PHF20: variants seen among roughly 807,000 people sequenced by gnomAD.
The protein encoded by PHF20 is PHD finger protein 20, also known as glioma-expressed antigen 2.
Under a neutral mutation model 113.5 loss-of-function variants are expected in PHF20, and 23 were observed. The ratio of observed to expected loss-of-function variants is 0.20; its 90% CI spans 0.15 to 0.29. The LOEUF (loss-of-function observed/expected upper bound fraction) is 0.29, where lower values mean the gene tolerates loss of function less well. Ranked by LOEUF, PHF20 falls within the 10% of genes least tolerant of loss-of-function variation. PHF20 has a pLI of 1.00. For synonymous variants in PHF20, 434 were observed against 457.3 expected, an observed-to-expected ratio of 0.95 and a Z score of 0.65; for missense variants, 943 against 1,219.6, an observed-to-expected ratio of 0.77 and a Z score of 3.38.
intron 1 of PHF20, among the ~76,000 whole-genome samples, chr20:35,780,823 C>T (rs1028834104): frequency 3.4e-5 from 5 of 148,264 alleles, no homozygotes; most frequent in Admixed American, 2.7e-4. Flanking sequence ...GCTGGGATTA[C>T]AGACATGAGC....
At chr20:35,869,639 T>C (rs2054382717) in intron 7 of PHF20, 88 bp downstream of exon 7, 2 of 763,338 alleles carry the variant, frequency 2.6e-6, no homozygotes, top group Non-Finnish European at 4.7e-6. Flanking sequence ...CCATTCCCTA[T>C]AGGCTCTAAT....
chr20:35,832,980 G>C (rs1428833409), intron 2 of PHF20, among the ~76,000 whole-genome samples: 7 of 151,456 alleles, frequency 4.6e-5, no homozygotes, highest in African/African-American at 1.7e-4. Flanking sequence ...GAACCTGGGA[G>C]GTGGAGGCTG....
intron 1 of PHF20, among the ~76,000 whole-genome samples, chr20:35,785,673 CAT>C (rs2041394238): frequency 6.6e-6 from 1 of 151,942 alleles, no homozygotes. Context: ...TTTAAAACTC[CAT>C]AGGCATGAAA....
chr20:35,827,106 A>G (rs6058327), intron 2 of PHF20, among the ~76,000 whole-genome samples: 5 of 152,270 alleles, frequency 3.3e-5, no homozygotes, highest in African/African-American at 1.2e-4. Context: ...TGAGCCAGGA[A>G]TAGAGGCAAG....
intron 9 of PHF20, 126 bp downstream of exon 9, chr20:35,871,955 T>C: frequency 1.6e-6 from 1 of 612,538 alleles, no homozygotes; most frequent in Non-Finnish European, 2.7e-6. Flanking sequence ...CCCTTATCAT[T>C]TTAATGTTAT....
At chr20:35,925,078 ATTCAT>A (rs970745351) in intron 13 of PHF20, among the ~76,000 whole-genome samples, 3 of 151,728 alleles carry the variant, frequency 2.0e-5, no homozygotes, top group African/African-American at 7.3e-5. Flanking sequence ...TCTTTCAGCG[ATTCAT>A]CTGTCTGTAT....
chr20:35,831,361 T>A (rs2042355571), intron 2 of PHF20, among the ~76,000 whole-genome samples: 1 of 151,984 alleles, frequency 6.6e-6, no homozygotes, highest in African/African-American at 2.4e-5. Flanking sequence ...ACAGATGGGG[T>A]CTCCCTATGT....
At chr20:35,887,618 C>T (rs1333716755) in intron 9 of PHF20, 1 of 152,126 alleles carries the variant, frequency 6.6e-6, no homozygotes, top group Non-Finnish European at 1.5e-5. Flanking sequence ...ATGAAAGTGA[C>T]ATACTGTCTC....
At chr20:35,858,996 G>A (rs1340839459) in intron 5 of PHF20, among the ~76,000 whole-genome samples, 2 of 152,082 alleles carry the variant, frequency 1.3e-5, no homozygotes, top group South Asian at 2.1e-4. Context: ...TGTGCCCTGC[G>A]CCCCACAAGA....
chr20:35,786,071 G>T (rs915025599), intron 1 of PHF20, among the ~76,000 whole-genome samples: 1 of 150,544 alleles, frequency 6.6e-6, no homozygotes, highest in African/African-American at 2.4e-5. Flanking sequence ...ATCTTGTAAG[G>T]ATAGCTGGTC....
intron 15 of PHF20, among the ~76,000 whole-genome samples, chr20:35,935,540 T>G (rs529028000): frequency 6.6e-6 from 1 of 152,318 alleles, no homozygotes; most frequent in East Asian, 1.9e-4. Flanking sequence ...CTAGTTTTCA[T>G]ATTTTTAGTA....
chr20:35,930,283 A>G (rs1448883721), intron 14 of PHF20, among the ~76,000 whole-genome samples: 1 of 152,228 alleles, frequency 6.6e-6, no homozygotes, highest in Non-Finnish European at 1.5e-5. Context: ...TGGGGATACA[A>G]CCATGAACAA....
chr20:35,784,582 G>A (rs944210880), intron 1 of PHF20, among the ~76,000 whole-genome samples: 18 of 151,714 alleles, frequency 1.2e-4, no homozygotes, highest in African/African-American at 4.4e-4. Context: ...GAATACAGGC[G>A]TGTGCCACTA....
intron 2 of PHF20, among the ~76,000 whole-genome samples, chr20:35,805,380 T>C (rs1047584058): frequency 8.8e-5 from 13 of 147,020 alleles, no homozygotes; most frequent in Non-Finnish European, 1.9e-4. Flanking sequence ...TTATTATTAT[T>C]ATTATTATTA....
rs541549453 is a variant in PHF20, at chr20:35,841,340, C to CTCAA, written c.84-1212_84-1209dup. Among the ~76,000 whole-genome samples the CTCAA allele has an allele frequency of 7.7e-3, 1,167 of 151,886 alleles. 5 individuals are homozygous for CTCAA. Among genetic ancestry groups the CTCAA allele is most frequent in the Middle Eastern group, 0.014 (4 of 294 alleles). On this transcript the variant is annotated intron_variant, in intron 2 of 17. Transcript: ENST00000374012. ...CCTGGGTGACAGAGTGAGACCCTGT[C>CTCAA]TCAATCAATCAATCAATCAATCAAA...
intron 2 of PHF20, among the ~76,000 whole-genome samples, chr20:35,803,642 A>G (rs1742895720): frequency 2.0e-5 from 3 of 150,094 alleles, no homozygotes; most frequent in African/African-American, 7.4e-5. Flanking sequence ...GGCTATTTGT[A>G]TTATCTATAA....
intron 2 of PHF20, among the ~76,000 whole-genome samples, chr20:35,821,874 A>T (rs952975011): frequency 1.1e-4 from 16 of 152,180 alleles, no homozygotes; most frequent in Admixed American, 5.9e-4. Context: ...TAAGAGATAG[A>T]GAAGAGTCAA....
chr20:35,830,622 T>G (rs1380904888), intron 2 of PHF20, among the ~76,000 whole-genome samples: 3 of 152,206 alleles, frequency 2.0e-5, no homozygotes, highest in Non-Finnish European at 4.4e-5. Flanking sequence ...TTTGGATATA[T>G]ACCCAGAAGT....
chr20:35,800,858 A>T (rs919933478), intron 1 of PHF20, among the ~76,000 whole-genome samples: 4 of 151,730 alleles, frequency 2.6e-5, no homozygotes, highest in South Asian at 2.1e-4. Flanking sequence ...TTCGTTTTTA[A>T]TTTTTTTTGT....
Sources: allele counts gnomAD v4.1 joint callset (sites outside exome capture counted in the v4.1 genomes callset), GRCh38; gene constraint gnomAD v4.1.1; transcripts MANE v1.5; gene names NCBI Gene and HGNC (gene_info 2026-07-23, HGNC 2026-07-21).